PRKN: variants seen among roughly 807,000 people sequenced by gnomAD.
The protein encoded by PRKN is E3 ubiquitin-protein ligase parkin.
In PRKN, 56 loss-of-function variants were observed where a neutral mutation model predicts 59.5. That is an observed-to-expected ratio of 0.94 (90% CI 0.76 to 1.18). The LOEUF (loss-of-function observed/expected upper bound fraction) is 1.18. PRKN is among the 50% of genes most tolerant of loss of function. The pLI, the probability that PRKN is intolerant of heterozygous loss-of-function variation, is 0.00. For missense variants in PRKN, 657 were observed against 596.4 expected, an observed-to-expected ratio of 1.10 and a Z score of -1.06; for synonymous variants, 250 against 222.1, an observed-to-expected ratio of 1.13 and a Z score of -1.12.
At chr6:161,767,188 A>G (rs1156755343) in intron 7 of PRKN, among the ~76,000 whole-genome samples, 6 of 152,138 alleles carry the variant, frequency 3.9e-5, no homozygotes, top group Non-Finnish European at 7.4e-5. Context: ...TCCAAAAACA[A>G]CCTCCAAGAC....
At chr6:162,661,763 G>GA (rs1407906613) in intron 1 of PRKN, among the ~76,000 whole-genome samples, 3 of 151,980 alleles carry the variant, frequency 2.0e-5, no homozygotes, top group African/African-American at 7.2e-5. Context: ...TCTTGAAGCA[G>GA]AAAAAAAGGC....
chr6:162,026,670 T>C (rs942261401), intron 5 of PRKN, among the ~76,000 whole-genome samples: 3 of 152,330 alleles, frequency 2.0e-5, no homozygotes, highest in East Asian at 1.9e-4. Context: ...TTTGCTTTTT[T>C]TTCCCCCCAC....
chr6:161,849,999 C>G (rs1422266582), intron 6 of PRKN, among the ~76,000 whole-genome samples: 2 of 152,086 alleles, frequency 1.3e-5, no homozygotes, highest in African/African-American at 4.8e-5. Flanking sequence ...ATAGAGTAAG[C>G]AGCCAATATA....
intron 1 of PRKN, among the ~76,000 whole-genome samples, chr6:162,692,896 G>A (rs996159645): frequency 6.6e-6 from 1 of 151,934 alleles, no homozygotes; most frequent in Non-Finnish European, 1.5e-5. Context: ...CTTCCCATTG[G>A]TATCTAGGAT....
At chr6:162,524,228 A>G (rs1485496285) in intron 1 of PRKN, among the ~76,000 whole-genome samples, 2 of 152,218 alleles carry the variant, frequency 1.3e-5, no homozygotes, top group Non-Finnish European at 2.9e-5. Flanking sequence ...TTTAATCAAC[A>G]TATTTTATGC....
At chr6:162,558,268 G>T (rs1779691672) in intron 1 of PRKN, among the ~76,000 whole-genome samples, 1 of 151,318 alleles carries the variant, frequency 6.6e-6, no homozygotes, top group Non-Finnish European at 1.5e-5. Context: ...AACTATTCCG[G>T]ATTCCCCATA....
In PRKN at chr6:161,445,257, A is replaced by C. The variant is rs1042107809; in HGVS notation, c.1084-58380T>G. ...ACTTAGAGGCTGCCTGACCACAAAG[A>C]CAGGACTGTAAAACATAGACCGCAT... On this transcript the variant is annotated intron_variant, in intron 9 of 11. Transcript: ENST00000366898. The surrounding 1 kb of genome is among the most constrained non-coding windows in gnomAD (Gnocchi z 7.7). Among the ~76,000 whole-genome samples the C allele has an allele frequency of 1.4e-4, 22 of 152,244 alleles. No homozygotes were observed. Among genetic ancestry groups the C allele is most frequent in the African/African-American group, 4.6e-4 (19 of 41,556 alleles).
intron 1 of PRKN, among the ~76,000 whole-genome samples, chr6:162,710,413 AC>A (rs1309534894): frequency 2.0e-5 from 3 of 150,632 alleles, no homozygotes; most frequent in Non-Finnish European, 3.0e-5. Flanking sequence ...ACACACACAC[AC>A]AACTGTTTGG....
chr6:162,208,995 C>G (rs1785077673), intron 3 of PRKN, among the ~76,000 whole-genome samples: 1 of 152,092 alleles, frequency 6.6e-6, no homozygotes, highest in Non-Finnish European at 1.5e-5. Context: ...CATAAAAACC[C>G]TAGAAGAAAA....
chr6:162,157,352 T>TA (rs1782557024), intron 4 of PRKN, among the ~76,000 whole-genome samples: 1 of 151,388 alleles, frequency 6.6e-6, no homozygotes, highest in Non-Finnish European at 1.5e-5. Flanking sequence ...TCTTGCTCTC[T>TA]AACTCTCCTG....
chr6:161,638,221 C>T (rs1286696906), intron 7 of PRKN, among the ~76,000 whole-genome samples: 2 of 152,054 alleles, frequency 1.3e-5, no homozygotes, highest in East Asian at 3.9e-4. Flanking sequence ...CAACCTCCAC[C>T]TGCTGGGTTG....
intron 9 of PRKN, among the ~76,000 whole-genome samples, chr6:161,509,753 G>A (rs574897478): frequency 7.3e-5 from 11 of 151,612 alleles, no homozygotes; most frequent in East Asian, 1.9e-4. Flanking sequence ...GGTGGTGCGC[G>A]CCTGTAATCC....
At chr6:161,605,658 C>T (rs1217349813) in intron 7 of PRKN, among the ~76,000 whole-genome samples, 6 of 151,948 alleles carry the variant, frequency 3.9e-5, no homozygotes, top group African/African-American at 1.4e-4. Flanking sequence ...ATTACAGACA[C>T]GTGCCACCAC....
chr6:161,514,848 C>T (rs896665920), intron 9 of PRKN, among the ~76,000 whole-genome samples: 10 of 152,110 alleles, frequency 6.6e-5, no homozygotes, highest in African/African-American at 2.2e-4. Context: ...AAGTCCAGAG[C>T]GGCAAGCTCC....
chr6:162,389,022 A>AC (rs1554312352), intron 2 of PRKN, among the ~76,000 whole-genome samples: 2 of 151,434 alleles, frequency 1.3e-5, no homozygotes, highest in African/African-American at 4.9e-5. Flanking sequence ...AAAAAAAAAA[A>AC]AACAAAAAAA....
chr6:161,733,242 T>C (rs150658015), intron 7 of PRKN, among the ~76,000 whole-genome samples: 2,758 of 152,292 alleles, frequency 0.018, 27 homozygotes, highest in Non-Finnish European at 0.029. Context: ...GGAAAGTCTA[T>C]GGAATCTCCT....
chr6:162,029,833 T>C (rs552002691), intron 5 of PRKN, among the ~76,000 whole-genome samples: 1 of 152,186 alleles, frequency 6.6e-6, no homozygotes, highest in Non-Finnish European at 1.5e-5. Flanking sequence ...TTTATGAAAA[T>C]AGCAAATGCT....
chr6:162,376,126 T>C (rs1046085479), intron 2 of PRKN, among the ~76,000 whole-genome samples: 1 of 152,082 alleles, frequency 6.6e-6, no homozygotes, highest in African/African-American at 2.4e-5. Flanking sequence ...GTCTCCCTCA[T>C]TTGCCCCAAC....
In PRKN at chr6:162,292,012, G is replaced by C. The variant is rs377386054; in HGVS notation, c.172-29247C>G. 1.3e-3 allele frequency among the ~76,000 whole-genome samples: 190 copies of C among 148,844 alleles called. 7 individuals carry two copies. In the South Asian group the frequency reaches 0.039, roughly 30 times the overall value. On this transcript the variant is annotated intron_variant, in intron 2 of 11. Transcript: ENST00000366898. ...GACTTTCACTCTTGTCATCCAGGCTGGAGTGCAATGGCGGGATCTCGCCTC... is the reference window on the plus strand; with the variant it reads ...GACTTTCACTCTTGTCATCCAGGCTCGAGTGCAATGGCGGGATCTCGCCTC...
Sources: allele counts gnomAD v4.1 joint callset (sites outside exome capture counted in the v4.1 genomes callset), GRCh38; gene constraint gnomAD v4.1.1; non-coding constraint Gnocchi (gnomAD v3.1); transcripts MANE v1.5; gene names NCBI Gene and HGNC (gene_info 2026-07-23, HGNC 2026-07-21).